Variants in CACNB2 observed in about 807,000 individuals in gnomAD.
CACNB2 encodes calcium voltage-gated channel auxiliary subunit beta 2.
In CACNB2, 42 loss-of-function variants were observed where a neutral mutation model predicts 73.3. The observed-to-expected ratio is 0.57, with a 90% CI of 0.45 to 0.74. The LOEUF is 0.74. CACNB2 is among the 30% of genes least tolerant of loss of function. The pLI is 0.00. For missense variants in CACNB2, 940 were observed against 853.0 expected (o/e 1.10, Z -1.27); for synonymous variants, 348 against 310.3 (o/e 1.12, Z -1.28).
chr10:18,243,880 G>C (rs1001084709), intron 2 of CACNB2, among the ~76,000 whole-genome samples: 1 of 152,164 alleles, frequency 6.6e-6, no homozygotes, highest in Non-Finnish European at 1.5e-5. Context: ...CCAGCCTCAA[G>C]TATTCAGTTA....
At chr10:18,424,674 A>G (rs759154555) in intron 3 of CACNB2, among the ~76,000 whole-genome samples, 14 of 152,140 alleles carry the variant, frequency 9.2e-5, no homozygotes, top group Admixed American at 2.6e-4. Context: ...TTTATTTTCT[A>G]CATGACATAC....
chr10:18,443,275 AG>A (rs1330180463), intron 3 of CACNB2, among the ~76,000 whole-genome samples: 1 of 151,930 alleles, frequency 6.6e-6, no homozygotes, highest in African/African-American at 2.4e-5. Flanking sequence ...GAAACACCCT[AG>A]TGTCCTAACT....
intron 3 of CACNB2, among the ~76,000 whole-genome samples, chr10:18,408,581 T>C (rs1212583257): frequency 6.6e-6 from 1 of 152,056 alleles, no homozygotes; most frequent in Non-Finnish European, 1.5e-5. Flanking sequence ...TGAGAAGACA[T>C]GAGAAGATGT....
intron 3 of CACNB2, among the ~76,000 whole-genome samples, chr10:18,455,522 A>G (rs1019634365): frequency 6.6e-6 from 1 of 152,196 alleles, no homozygotes; most frequent in Non-Finnish European, 1.5e-5. Flanking sequence ...CACACAGGTA[A>G]ATACCAACTG....
At chr10:18,287,216 C>G (rs928499405) in intron 2 of CACNB2, among the ~76,000 whole-genome samples, 1 of 152,054 alleles carries the variant, frequency 6.6e-6, no homozygotes, top group African/African-American at 2.4e-5. Flanking sequence ...GTAATCCCAG[C>G]TACTCAGGAG....
At chr10:18,304,325 ATGG>A (rs1056358280) in intron 2 of CACNB2, among the ~76,000 whole-genome samples, 26 of 152,216 alleles carry the variant, frequency 1.7e-4, no homozygotes, top group African/African-American at 5.1e-4. Context: ...TCAATACACA[ATGG>A]GCAAGTATAT....
chr10:18,165,922 T>C (rs1038841010), intron 2 of CACNB2, among the ~76,000 whole-genome samples: 1 of 152,132 alleles, frequency 6.6e-6, no homozygotes, highest in African/African-American at 2.4e-5. Context: ...GTTTGAAGAG[T>C]TGTAAGTTTC....
At chr10:18,513,106 T>TTTTTTC (rs1471299583) in intron 6 of CACNB2, 12 of 151,130 alleles carry the variant, frequency 7.9e-5, no homozygotes, top group Non-Finnish European at 1.6e-4. Flanking sequence ...ATAACCTTTT[T>TTTTTTC]TTTTTTTTTT....
intron 2 of CACNB2, among the ~76,000 whole-genome samples, chr10:18,271,321 G>T (rs1158658269): frequency 6.6e-6 from 1 of 152,166 alleles, no homozygotes; most frequent in East Asian, 1.9e-4. Flanking sequence ...CCCATAACAA[G>T]GACCTACTGA....
chr10:18,436,426 T>C (rs1007291643), intron 3 of CACNB2, among the ~76,000 whole-genome samples: 2 of 152,214 alleles, frequency 1.3e-5, no homozygotes, highest in Non-Finnish European at 2.9e-5. Flanking sequence ...AATCAACCAA[T>C]CAGAACAATG....
chr10:18,246,545 C>T (rs2036867237), intron 2 of CACNB2, among the ~76,000 whole-genome samples: 1 of 152,006 alleles, frequency 6.6e-6, no homozygotes, highest in South Asian at 2.1e-4. Context: ...CCTAATGGTA[C>T]CAATCTCAAA....
At chr10:18,159,591 C>T (rs957191813) in intron 2 of CACNB2, among the ~76,000 whole-genome samples, 1 of 152,118 alleles carries the variant, frequency 6.6e-6, no homozygotes. Flanking sequence ...AAACAAATTC[C>T]GTCGTCTCTC....
intron 3 of CACNB2, among the ~76,000 whole-genome samples, chr10:18,427,887 C>A (rs1821953832): frequency 6.6e-6 from 1 of 151,844 alleles, no homozygotes; most frequent in Non-Finnish European, 1.5e-5. Flanking sequence ...ATTTCATTAA[C>A]TTCTCTTCTT....
At chr10:18,357,400 G>T (rs991789918) in intron 2 of CACNB2, among the ~76,000 whole-genome samples, 2 of 152,144 alleles carry the variant, frequency 1.3e-5, no homozygotes, top group Admixed American at 1.3e-4. Flanking sequence ...CTCTGGTAAT[G>T]TGTATTTCAA....
chr10:18,303,858 A>C (rs1452276422), intron 2 of CACNB2, among the ~76,000 whole-genome samples: 5 of 152,202 alleles, frequency 3.3e-5, no homozygotes, highest in Non-Finnish European at 7.4e-5. Flanking sequence ...ATGAATTGCA[A>C]AGAAAATGAT....
chr10:18,406,615 T>C (rs1024273347), intron 3 of CACNB2, among the ~76,000 whole-genome samples: 10 of 152,216 alleles, frequency 6.6e-5, no homozygotes, highest in African/African-American at 2.4e-4. Context: ...GACCATCTAG[T>C]TGTAGGAAAA....
chr10:18,465,550 C>G (rs1323557113), intron 3 of CACNB2, among the ~76,000 whole-genome samples: 10 of 152,192 alleles, frequency 6.6e-5, no homozygotes, highest in Non-Finnish European at 4.4e-5. Context: ...TTCCTCTTCT[C>G]TCCATAGCAT....
At chr10:18,210,328 C>T (rs1233717002) in intron 2 of CACNB2, among the ~76,000 whole-genome samples, 2 of 152,166 alleles carry the variant, frequency 1.3e-5, no homozygotes, top group African/African-American at 4.8e-5. Context: ...TGTAGGTATA[C>T]ATATAACAAT....
chr10:18,346,614 G>GA (rs1308834066), intron 2 of CACNB2, among the ~76,000 whole-genome samples: 8 of 150,430 alleles, frequency 5.3e-5, no homozygotes, highest in Admixed American at 1.3e-4. Context: ...GGAGCTCGGG[G>GA]GGCACAGGGT....
Sources: gnomAD v4.1 joint callset for allele counts (sites outside exome capture counted in the v4.1 genomes callset) on GRCh38, gnomAD v4.1.1 for gene constraint, MANE v1.5 for transcripts, NCBI Gene and HGNC (gene_info 2026-07-23, HGNC 2026-07-21) for gene names.